Variants in CELF2 observed in about 807,000 individuals in gnomAD.
The protein encoded by CELF2 is CUGBP Elav-like family member 2.
A neutral mutation model predicts 62.6 loss-of-function variants in CELF2; 8 were observed. The observed-to-expected ratio is 0.13, with a 90% confidence interval of 0.07 to 0.23. CELF2 has a LOEUF of 0.23. CELF2 is among the 10% of genes least tolerant of loss of function. CELF2 has a pLI of 1.00. For missense variants in CELF2, 333 were observed against 671.0 expected (o/e 0.50, Z 5.56); for synonymous variants, 258 against 250.0 (o/e 1.03, Z -0.30).
chr10:10,998,081 C>G (rs745395841), intron 2 of CELF2, among the ~76,000 whole-genome samples: 2 of 152,202 alleles, frequency 1.3e-5, no homozygotes, highest in Non-Finnish European at 2.9e-5. Flanking sequence ...GACTTTGCTC[C>G]TATTCACCTT....
chr10:10,889,221 G>T (rs2061968164), intron 1 of CELF2, among the ~76,000 whole-genome samples: 1 of 152,196 alleles, frequency 6.6e-6, no homozygotes. Flanking sequence ...GAAATCCATG[G>T]ATTTGCTTTC....
intron 1 of CELF2, among the ~76,000 whole-genome samples, chr10:10,906,758 C>T (rs1351028925): frequency 4.5e-5 from 5 of 112,268 alleles, no homozygotes; most frequent in Admixed American, 1.4e-4. Flanking sequence ...CTCACTCTGT[C>T]GCCAGGCTGT....
chr10:10,724,671 GAAAA>G, the CELF2 span, among the ~76,000 whole-genome samples: 2 of 137,440 alleles, frequency 1.5e-5, no homozygotes, highest in African/African-American at 2.7e-5. Flanking sequence ...AAAAAAAAAA[GAAAA>G]AAGAAAAGTG....
In CELF2 at chr10:10,938,768, G is replaced by A. The variant is rs968234734; in HGVS notation, c.89+18769G>A. On this transcript the variant is annotated intron_variant, in intron 2 of 13. Transcript: ENST00000636488. The surrounding 1 kb of genome is among the most constrained non-coding windows in gnomAD (Gnocchi z 4.2). The stretch of plus-strand genomic sequence containing the variant: ...AGGTCAGCAAAGCCTGAGTGTAGGT[G>A]GGTTAGTGCCTGGACAACTCAGGCT... Among the ~76,000 whole-genome samples, 2 of 152,142 alleles carry A rather than the reference G, an allele frequency of 1.3e-5. No homozygotes were observed. The highest frequency in any genetic ancestry group is 2.1e-4 in the South Asian group (1 of 4,826).
intron 1 of CELF2, among the ~76,000 whole-genome samples, chr10:10,866,366 C>T (rs1395892242): frequency 3.8e-5 from 2 of 53,036 alleles, no homozygotes; most frequent in African/African-American, 4.9e-4. Context: ...AATCCCAGCA[C>T]TTTGGGAGGC....
intron 1 of CELF2, among the ~76,000 whole-genome samples, chr10:11,093,205 TGG>T (rs780319253): frequency 2.6e-5 from 4 of 152,198 alleles, no homozygotes; most frequent in Non-Finnish European, 5.9e-5. Context: ...CAATCATTTG[TGG>T]GACATTTGGT....
chr10:11,182,895 A>G (rs919897883), intron 2 of CELF2, among the ~76,000 whole-genome samples: 1 of 152,120 alleles, frequency 6.6e-6, no homozygotes, highest in Admixed American at 6.5e-5. Flanking sequence ...TAATGTTCCT[A>G]CCGCCATTTG....
rs540696042 is a variant in CELF2, at chr10:11,156,182, T to C, written c.75-9304T>C. On this transcript the variant is annotated intron_variant, in intron 1 of 12. Coordinates refer to ENST00000633077, the MANE Select transcript of CELF2 (RefSeq NM_001326342.2). This position sits in a 1 kb window ranked among gnomAD's most constrained non-coding sequence, Gnocchi z 4.3. ...CAGGGACAAGTGGACCCAGCGGGCA[T>C]TTGGAGAAAAATAGGCATGACTCAG... Among the ~76,000 whole-genome samples, 2 of 152,200 alleles carry C rather than the reference T, an allele frequency of 1.3e-5. No individual in the cohort carries two copies. The highest frequency in any genetic ancestry group is 3.9e-4 in the East Asian group (2 of 5,182).
intron 2 of CELF2, among the ~76,000 whole-genome samples, chr10:10,943,900 C>G (rs2047345359): frequency 6.6e-6 from 1 of 152,106 alleles, no homozygotes; most frequent in Non-Finnish European, 1.5e-5. Flanking sequence ...CCACACTCAG[C>G]CCCAAGATTG....
At chr10:10,867,478 T>TAA (rs1468650899) in intron 1 of CELF2, among the ~76,000 whole-genome samples, 11 of 152,254 alleles carry the variant, frequency 7.2e-5, no homozygotes, top group Non-Finnish European at 1.6e-4. Context: ...TAATATTCTG[T>TAA]TTTTGGAGCA....
At chr10:10,873,196 T>C (rs563118411) in intron 1 of CELF2, among the ~76,000 whole-genome samples, 4 of 152,292 alleles carry the variant, frequency 2.6e-5, no homozygotes, top group African/African-American at 9.6e-5. Context: ...AAAACTTTCA[T>C]GACTAGTATA....
At chr10:11,070,098 A>G (rs2069388313) in intron 1 of CELF2, among the ~76,000 whole-genome samples, 1 of 151,750 alleles carries the variant, frequency 6.6e-6, no homozygotes, top group Non-Finnish European at 1.5e-5. Context: ...TTTATTCTCT[A>G]AATCATTCTT....
At chr10:11,182,158 G>A (rs1226374181) in intron 2 of CELF2, among the ~76,000 whole-genome samples, 2 of 152,174 alleles carry the variant, frequency 1.3e-5, no homozygotes, top group South Asian at 2.1e-4. Context: ...CTGAAACCCC[G>A]CCAGACTTAC....
the CELF2 span, among the ~76,000 whole-genome samples, chr10:10,714,098 G>A: frequency 3.3e-5 from 5 of 152,196 alleles, no homozygotes; most frequent in East Asian, 1.9e-4. Flanking sequence ...AGACCAACAC[G>A]AAGACCCTAC....
intron 1 of CELF2, among the ~76,000 whole-genome samples, chr10:10,863,395 T>G (rs968811104): frequency 3.9e-5 from 6 of 152,140 alleles, no homozygotes; most frequent in African/African-American, 1.4e-4. Context: ...GCTTTTACAT[T>G]TGTTATCTGT....
the CELF2 span, among the ~76,000 whole-genome samples, chr10:10,624,465 A>C: frequency 1.3e-5 from 2 of 152,214 alleles, no homozygotes; most frequent in African/African-American, 2.4e-5. Flanking sequence ...CTTTCAGTAC[A>C]AGCAGTTAGT....
At chr10:11,277,351 C>T (rs2086526648) in intron 8 of CELF2, among the ~76,000 whole-genome samples, 1 of 152,154 alleles carries the variant, frequency 6.6e-6, no homozygotes, top group Non-Finnish European at 1.5e-5. Flanking sequence ...GAAACTTTCC[C>T]AGCTTCCCCG....
intron 7 of CELF2, among the ~76,000 whole-genome samples, chr10:11,274,570 C>T (rs892306065): frequency 7.9e-5 from 12 of 152,268 alleles, no homozygotes; most frequent in South Asian, 4.1e-4. Flanking sequence ...TGCAGCTGTA[C>T]GGCTGTGAAT....
the CELF2 span, among the ~76,000 whole-genome samples, chr10:10,656,868 T>G: frequency 2.9e-5 from 4 of 140,230 alleles, no homozygotes; most frequent in Non-Finnish European, 6.2e-5. Flanking sequence ...ACTTAAAGTA[T>G]AATTAAAAAA....
Sources: allele counts gnomAD v4.1 joint callset (sites outside exome capture counted in the v4.1 genomes callset), GRCh38; gene constraint gnomAD v4.1.1; non-coding constraint Gnocchi (gnomAD v3.1); transcripts MANE v1.5; gene names NCBI Gene and HGNC (gene_info 2026-07-23, HGNC 2026-07-21).